ERC2: variants seen among roughly 807,000 people sequenced by gnomAD.
ERC2 encodes ERC protein 2.
Under a neutral mutation model 114.8 loss-of-function variants are expected in ERC2, and 42 were observed. The ratio of observed to expected loss-of-function variants is 0.37; its 90% CI spans 0.29 to 0.47. The LOEUF (loss-of-function observed/expected upper bound fraction) is 0.47, where lower values mean the gene tolerates loss of function less well. ERC2 is among the 20% of genes least tolerant of loss of function. The pLI is 0.99. For missense variants in ERC2, 939 were observed against 1,150.7 expected (o/e 0.82, Z 2.66); for synonymous variants, 454 against 425.5 (o/e 1.07, Z -0.82).
chr3:55,920,687 A>T (rs73083359), intron 13 of ERC2, among the ~76,000 whole-genome samples: 66 of 152,220 alleles, frequency 4.3e-4, no homozygotes, highest in African/African-American at 1.6e-3. Flanking sequence ...TACAATTTTA[A>T]AGAAGGATTT....
At chr3:55,654,294 AT>A (rs1257632028) in intron 17 of ERC2, among the ~76,000 whole-genome samples, 3 of 152,216 alleles carry the variant, frequency 2.0e-5, no homozygotes, top group Non-Finnish European at 4.4e-5. Context: ...TGTCTGTCCT[AT>A]CAGCAGGACA....
At chr3:56,279,589 A>C (rs1269439937) in intron 3 of ERC2, among the ~76,000 whole-genome samples, 1 of 152,192 alleles carries the variant, frequency 6.6e-6, no homozygotes, top group African/African-American at 2.4e-5. Context: ...GCAAGTGAGA[A>C]AGGAAAAGTA....
intron 13 of ERC2, among the ~76,000 whole-genome samples, chr3:55,927,566 C>A (rs868093762): frequency 6.6e-6 from 1 of 152,148 alleles, no homozygotes; most frequent in Non-Finnish European, 1.5e-5. Context: ...GTATCTATCA[C>A]CTCAAGCATT....
chr3:55,609,276 C>T (rs1434374170), intron 17 of ERC2, among the ~76,000 whole-genome samples: 19 of 152,182 alleles, frequency 1.2e-4, no homozygotes. Flanking sequence ...CACAAGGTTC[C>T]ACTGCAACTC....
intron 3 of ERC2, among the ~76,000 whole-genome samples, chr3:56,276,341 A>G (rs529065313): frequency 1.3e-5 from 2 of 152,002 alleles, no homozygotes; most frequent in Admixed American, 6.6e-5. Context: ...CTTGTTAGCA[A>G]GGATCACATG....
rs925531174 is a variant in ERC2 at position 55,785,186 on chromosome 3, T to C, written c.2565-50268A>G. ...TACCCGAAGGCAAGATAATTCAGGGTACACAAGGAAAACCTAAAAATAGGT... is the reference window on the plus strand; with the variant it reads ...TACCCGAAGGCAAGATAATTCAGGGCACACAAGGAAAACCTAAAAATAGGT... On this transcript the variant is annotated intron_variant, in intron 14 of 17. Coordinates refer to ENST00000288221, the MANE Select transcript of ERC2 (RefSeq NM_015576.3). 4.6e-5 allele frequency among the ~76,000 whole-genome samples: 7 copies of C among 152,206 alleles called. No individual in the cohort carries two copies. In the East Asian group the frequency reaches 1.3e-3, roughly 29 times the overall value.
At chr3:55,711,664 T>C (rs1460926481) in intron 15 of ERC2, among the ~76,000 whole-genome samples, 3 of 152,228 alleles carry the variant, frequency 2.0e-5, no homozygotes, top group South Asian at 4.1e-4. Context: ...CTGGCACATA[T>C]GGACATATAA....
At chr3:55,810,449 A>C (rs532337291) in intron 14 of ERC2, among the ~76,000 whole-genome samples, 2 of 150,224 alleles carry the variant, frequency 1.3e-5, no homozygotes, top group South Asian at 4.2e-4. Context: ...TATATGTAGA[A>C]GGTCTCTCTC....
At chr3:55,650,865 G>A (rs2060590872) in intron 17 of ERC2, among the ~76,000 whole-genome samples, 1 of 146,468 alleles carries the variant, frequency 6.8e-6, no homozygotes, top group African/African-American at 2.5e-5. Flanking sequence ...TTTTTTTTTA[G>A]ATGGAGTCTC....
chr3:56,199,341 CA>C (rs1292749822), intron 3 of ERC2, among the ~76,000 whole-genome samples: 3 of 152,052 alleles, frequency 2.0e-5, no homozygotes, highest in Admixed American at 2.0e-4. Flanking sequence ...GGATTCTAGA[CA>C]AAGGCAAAGG....
chr3:56,404,199 G>C (rs1428233262), intron 2 of ERC2, among the ~76,000 whole-genome samples: 1 of 152,150 alleles, frequency 6.6e-6, no homozygotes, highest in Non-Finnish European at 1.5e-5. Context: ...ACATCTGTAA[G>C]ATTCTCTCTT....
chr3:55,585,433 C>T (rs57868249), intron 17 of ERC2, among the ~76,000 whole-genome samples: 5,472 of 152,278 alleles, frequency 0.036, 336 homozygotes, highest in African/African-American at 0.12. Context: ...AATAAGCAAC[C>T]TGTCAGTTGT....
At chr3:56,153,926 A>G (rs1351032984) in intron 4 of ERC2, among the ~76,000 whole-genome samples, 1 of 152,234 alleles carries the variant, frequency 6.6e-6, no homozygotes, top group Non-Finnish European at 1.5e-5. Context: ...ACGGACATTG[A>G]TCAACAAACT....
intron 3 of ERC2, among the ~76,000 whole-genome samples, chr3:56,220,912 GA>G (rs948791283): frequency 6.6e-6 from 1 of 151,506 alleles, no homozygotes; most frequent in African/African-American, 2.4e-5. Context: ...CTGAAAAAAA[GA>G]AAAAAAAGAT....
intron 15 of ERC2, among the ~76,000 whole-genome samples, chr3:55,711,322 T>C (rs916562946): frequency 7.2e-5 from 11 of 151,980 alleles, no homozygotes; most frequent in African/African-American, 2.2e-4. Flanking sequence ...TACAAAAGAG[T>C]TTATAAAAAG....
In ERC2 at chr3:55,829,848, T is replaced by C. The variant is rs115621200; in HGVS notation, c.2564+58541A>G. ...CCCAAAATATCGAACATTTGTGTCA[T>C]TGGAATCACAGAAGAAGAAAAAGAG... On this transcript the variant is annotated intron_variant, in intron 14 of 17. Coordinates refer to ENST00000288221, the MANE Select transcript of ERC2 (RefSeq NM_015576.3). 6.0e-3 allele frequency among the ~76,000 whole-genome samples: 912 copies of C among 152,194 alleles called. 10 individuals carry two copies. The highest frequency in any genetic ancestry group is 0.021 in the African/African-American group (858 of 41,516).
At chr3:55,825,477 C>A (rs2060289089) in intron 14 of ERC2, among the ~76,000 whole-genome samples, 1 of 152,120 alleles carries the variant, frequency 6.6e-6, no homozygotes, top group Non-Finnish European at 1.5e-5. Context: ...TTTGTGTGTG[C>A]ATATGTTTGT....
At chr3:55,649,056 C>T (rs996041038) in intron 17 of ERC2, among the ~76,000 whole-genome samples, 23 of 152,142 alleles carry the variant, frequency 1.5e-4, no homozygotes, top group Non-Finnish European at 3.2e-4. Context: ...ACCAGCTCCC[C>T]GAGTGTCCTG....
chr3:55,761,490 G>A (rs1374172109), intron 14 of ERC2, among the ~76,000 whole-genome samples: 1 of 151,692 alleles, frequency 6.6e-6, no homozygotes, highest in Non-Finnish European at 1.5e-5. Context: ...GTTTTCTGTT[G>A]CAGCTACTTG....
Sources: allele counts gnomAD v4.1 joint callset (sites outside exome capture counted in the v4.1 genomes callset), GRCh38; gene constraint gnomAD v4.1.1; transcripts MANE v1.5; gene names NCBI Gene and HGNC (gene_info 2026-07-23, HGNC 2026-07-21).